The following TMEM132D variants were observed in gnomAD, a reference collection of about 807,000 sequenced individuals.
TMEM132D encodes mature OL transmembrane protein.
Under a neutral mutation model 62.3 loss-of-function variants are expected in TMEM132D, and 21 were observed. That is an observed-to-expected ratio of 0.34 (90% CI 0.24 to 0.49). TMEM132D has a LOEUF of 0.49. Ranked by LOEUF, TMEM132D falls within the 20% of genes least tolerant of loss-of-function variation. The probability of loss-of-function intolerance (pLI) is 0.99; values close to 1 mark genes in which losing one functional copy is unlikely to be tolerated. For synonymous variants in TMEM132D, 621 were observed against 575.6 expected (o/e 1.08, Z -1.13); for missense variants, 1,346 against 1,402.8 (o/e 0.96, Z 0.65).
chr12:129,505,128 C>G (rs1477262501), intron 3 of TMEM132D, among the ~76,000 whole-genome samples: 2 of 152,028 alleles, frequency 1.3e-5, no homozygotes, highest in Non-Finnish European at 2.9e-5. Flanking sequence ...GTTTTGTGGC[C>G]TATCATATGG....
intron 5 of TMEM132D, among the ~76,000 whole-genome samples, chr12:129,198,143 A>C (rs1593293251): frequency 6.6e-6 from 1 of 152,232 alleles, no homozygotes; most frequent in Non-Finnish European, 1.5e-5. Flanking sequence ...AAATTATAAA[A>C]TTATAAAAAT....
intron 1 of TMEM132D, among the ~76,000 whole-genome samples, chr12:129,806,524 C>A (rs1445491636): frequency 1.6e-5 from 2 of 126,342 alleles, no homozygotes; most frequent in Non-Finnish European, 3.2e-5. Flanking sequence ...AGAGGAACAT[C>A]ACACTCTGGG....
In TMEM132D at chr12:129,371,607, TGTGGTGATGATGATG is replaced by T. The variant is rs1458838709; in HGVS notation, c.1116-33805_1116-33791del. On this transcript the variant is annotated intron_variant, in intron 3 of 8. Coordinates refer to ENST00000422113, the MANE Select transcript of TMEM132D (RefSeq NM_133448.3). The surrounding 1 kb of genome is among the most constrained non-coding windows in gnomAD (Gnocchi z 4.3). ...GATAGTAACAATGATCATGGCAGAT[TGTGGTGATGATGATG>T]GTGGTGATGGTGATGGTGGTGGTGA... Among the ~76,000 whole-genome samples, 1 of 150,990 alleles carries T rather than the reference TGTGGTGATGATGATG, an allele frequency of 6.6e-6. No homozygotes were observed. The highest frequency in any genetic ancestry group is 6.6e-5 in the Admixed American group (1 of 15,166).
At position 129,730,459 on chromosome 12, in the gene TMEM132D, T is replaced by C. The variant is rs556797269; in HGVS notation, c.80-29761A>G. ...TATAAACCTTCTATCACTCAGACCATGGTAGAAGGTTTATATAATGCTTTG... is the reference window on the plus strand; with the variant it reads ...TATAAACCTTCTATCACTCAGACCACGGTAGAAGGTTTATATAATGCTTTG... On this transcript the variant is annotated intron_variant, in intron 1 of 8. Coordinates refer to ENST00000422113, the MANE Select transcript of TMEM132D (RefSeq NM_133448.3). Among the ~76,000 whole-genome samples, 3 of 152,252 alleles carry C rather than the reference T, an allele frequency of 2.0e-5. No homozygotes were observed. The South Asian group carries it at 6.2e-4, about 32-fold the overall frequency.
At chr12:129,214,291 A>T (rs1187497743) in intron 4 of TMEM132D, among the ~76,000 whole-genome samples, 2 of 152,106 alleles carry the variant, frequency 1.3e-5, no homozygotes, top group African/African-American at 4.8e-5. Context: ...TTGTTTTTTT[A>T]AATTTCCTCA....
chr12:129,737,078 A>G, intron 1 of TMEM132D, among the ~76,000 whole-genome samples: 1 of 152,090 alleles, frequency 6.6e-6, no homozygotes, highest in East Asian at 1.9e-4. Flanking sequence ...AGCATCCCAA[A>G]GTGCTGGGAT....
intron 2 of TMEM132D, among the ~76,000 whole-genome samples, chr12:129,585,809 G>A (rs904597226): frequency 1.5e-5 from 2 of 130,628 alleles, no homozygotes; most frequent in Admixed American, 1.7e-4. Context: ...AATGAGATAT[G>A]CATGCATGTG....
chr12:129,141,833 G>T (rs897689947), intron 5 of TMEM132D, among the ~76,000 whole-genome samples: 2 of 151,780 alleles, frequency 1.3e-5, no homozygotes, highest in Admixed American at 6.6e-5. Flanking sequence ...CAGTACCTGG[G>T]TGATGGGATC....
chr12:129,296,272 T>A (rs1881573670), intron 4 of TMEM132D, among the ~76,000 whole-genome samples: 1 of 152,188 alleles, frequency 6.6e-6, no homozygotes, highest in African/African-American at 2.4e-5. Context: ...TTTGAGTACG[T>A]TATCTCATTT....
Position 129,899,343 on chromosome 12 carries a change from GATGGAT to G in TMEM132D, c.79+3912_79+3917del, listed in dbSNP as rs1289061703. Among the ~76,000 whole-genome samples the G allele has an allele frequency of 6.4e-4, 93 of 144,594 alleles. 7 individuals are homozygous for G. Among genetic ancestry groups the G allele is most frequent in the African/African-American group, 2.0e-3 (77 of 38,054 alleles). 94.9% of individuals were successfully genotyped at this position (144,594 alleles called of 152,430 possible). ...TGGATGGATGGATGGATGGATGGAT[GATGGAT>G]GGAGGGATGGATGGATGGATGGACT... On this transcript the variant is annotated intron_variant, in intron 1 of 8. Transcript: ENST00000422113.
intron 2 of TMEM132D, among the ~76,000 whole-genome samples, chr12:129,678,842 G>T (rs577877050): frequency 6.6e-6 from 1 of 151,962 alleles, no homozygotes; most frequent in African/African-American, 2.4e-5. Context: ...TTCTCATTTG[G>T]ATAATTAGTA....
intron 2 of TMEM132D, among the ~76,000 whole-genome samples, chr12:129,638,946 G>GA (rs1170921517): frequency 6.6e-6 from 1 of 151,840 alleles, no homozygotes. Context: ...AGTTTCAAAT[G>GA]AAAAAAACAA....
At chr12:129,126,034 C>T (rs1876203519) in intron 5 of TMEM132D, among the ~76,000 whole-genome samples, 3 of 152,152 alleles carry the variant, frequency 2.0e-5, no homozygotes. Context: ...ACCTGAGCAC[C>T]CCTCTTTTTG....
At chr12:129,178,003 A>T (rs1385830870) in intron 5 of TMEM132D, among the ~76,000 whole-genome samples, 1 of 152,086 alleles carries the variant, frequency 6.6e-6, no homozygotes, top group Non-Finnish European at 1.5e-5. Flanking sequence ...GCTCCCACTC[A>T]TAAGCGAGGA....
intron 2 of TMEM132D, among the ~76,000 whole-genome samples, chr12:129,543,404 G>GGACA (rs1876646562): frequency 7.2e-6 from 1 of 138,850 alleles, no homozygotes; most frequent in Non-Finnish European, 1.6e-5. Flanking sequence ...ATGGATGGAT[G>GGACA]GATAGACAGA....
At chr12:129,594,757 T>C (rs752449573) in intron 2 of TMEM132D, among the ~76,000 whole-genome samples, 11 of 152,176 alleles carry the variant, frequency 7.2e-5, no homozygotes, top group Non-Finnish European at 1.3e-4. Context: ...GCAGGAGTGT[T>C]GCCTCCCTAT....
intron 5 of TMEM132D, among the ~76,000 whole-genome samples, chr12:129,145,843 G>GA (rs979479175): frequency 6.6e-6 from 1 of 152,074 alleles, no homozygotes; most frequent in Non-Finnish European, 1.5e-5. Context: ...CCAAGAGAGA[G>GA]AATACAGTCA....
chr12:129,154,172 A>G (rs981497257), intron 5 of TMEM132D, among the ~76,000 whole-genome samples: 1 of 152,104 alleles, frequency 6.6e-6, no homozygotes, highest in African/African-American at 2.4e-5. Context: ...AGTGAAGGGG[A>G]GTGAATGTGA....
intron 4 of TMEM132D, among the ~76,000 whole-genome samples, chr12:129,284,971 A>C (rs1246480004): frequency 6.6e-6 from 1 of 152,234 alleles, no homozygotes; most frequent in Non-Finnish European, 1.5e-5. Flanking sequence ...AGTGATGGAC[A>C]CGCTTTGGAG....
Sources: allele counts gnomAD v4.1 joint callset (sites outside exome capture counted in the v4.1 genomes callset), GRCh38; gene constraint gnomAD v4.1.1; non-coding constraint Gnocchi (gnomAD v3.1); transcripts MANE v1.5; gene names NCBI Gene and HGNC (gene_info 2026-07-23, HGNC 2026-07-21).